POLI: variants seen among roughly 807,000 people sequenced by gnomAD.
The protein encoded by POLI is RAD30 homolog B.
A neutral mutation model predicts 51.6 loss-of-function variants in POLI; 58 were observed. The ratio of observed to expected loss-of-function variants is 1.12; its 90% CI spans 0.91 to 1.40. The LOEUF is 1.40. Among genes scored for constraint, POLI ranks in the 40% most tolerant of loss-of-function variants. The pLI, the probability that POLI is intolerant of heterozygous loss-of-function variation, is 0.00. For missense variants in POLI, 921 were observed against 871.3 expected, an observed-to-expected ratio of 1.06 and a Z score of -0.72; for synonymous variants, 322 against 299.7, an observed-to-expected ratio of 1.07 and a Z score of -0.77.
rs573361700 is a variant in POLI, at chr18:54,303,921, C to A, written c.334-16352C>A. Among the ~76,000 whole-genome samples the A allele has an allele frequency of 3.0e-3, 451 of 151,848 alleles. 3 individuals are homozygous for A. Among genetic ancestry groups the A allele is most frequent in the Non-Finnish European group, 4.9e-3 (330 of 67,938 alleles). ...ATGCTATCCCTCCCCCATCCCCCCA[C>A]CCCACAATGGCCCTGGTGTGTGATG... On this transcript the variant is annotated intron_variant, in intron 3 of 4. Coordinates refer to the POLI transcript ENST00000579823.
chr18:54,269,563 T>TGGAGCCGGAGGAG lies in POLI; in HGVS notation c.19_31dup (p.Glu11GlyfsTer36). The TGGAGCCGGAGGAG allele has an allele frequency of 1.3e-6, 2 of 1,489,372 alleles. No homozygotes were observed. The highest frequency in any genetic ancestry group is 1.8e-6 in the Non-Finnish European group (2 of 1,127,522). The allele number at this position is 1,489,372 out of a possible 1,614,324, so 92.3% of individuals were successfully genotyped here. On this transcript the variant is annotated frameshift_variant, in exon 1 of 10. Coordinates refer to ENST00000579534, the MANE Select transcript of POLI (RefSeq NM_007195.3). LOFTEE classifies it high-confidence loss of function. Reference sequence around the variant, plus strand: ...AGCGGCGGGATGGAGAAGCTGGGGGTGGAGCCGGAGGAGGAAGGCGGCGGC... The same window carrying TGGAGCCGGAGGAG: ...AGCGGCGGGATGGAGAAGCTGGGGGTGGAGCCGGAGGAGGGAGCCGGAGGAGGAAGGCGGCGGC...
chr18:54,270,168 A>G, intron 1 of POLI: 2 of 294,570 alleles, frequency 6.8e-6, no homozygotes, highest in Non-Finnish European at 1.0e-5. Context: ...CAGGGCCTGG[A>G]TGTAAAGGCA....
Position 54,285,163 on chromosome 18 carries a change from G to A in POLI, c.1067+1150G>A, listed in dbSNP as rs77707603. Reference sequence around the variant, plus strand: ...CTCATTGTTGGCTGCATGCAGCTGGGGCTGGCTGTATGACTGGCCTCCCGT... The same window carrying A: ...CTCATTGTTGGCTGCATGCAGCTGGAGCTGGCTGTATGACTGGCCTCCCGT... On this transcript the variant is annotated intron_variant, in intron 7 of 9. Transcript: ENST00000579534. 9.2e-5 allele frequency among the ~76,000 whole-genome samples: 14 copies of A among 152,304 alleles called. No individual in the cohort carries two copies. The East Asian group carries it at 2.7e-3, about 29-fold the overall frequency.
chr18:54,307,439 G>T (rs7236603), intron 3 of POLI, among the ~76,000 whole-genome samples: 18,087 of 152,192 alleles, frequency 0.12, 3,591 homozygotes, highest in African/African-American at 0.41. Context: ...TTGCACTGTG[G>T]TCTGAGAGAC....
Position 54,293,879 on chromosome 18 carries a change from T to A in POLI, c.1635T>A (p.Ser545=), listed in dbSNP as rs1341601946. ...LPVDIQEEIL[S]GKSREKFQGK... ...TAGATATTCAAGAAGAAATCCTTTC[T>A]GGAAAATCTAGGGAAAAATTTCAAG... Residue 545 remains serine, a synonymous_variant, in exon 10 of 10, where the codon TCT becomes TCA. Transcript: ENST00000579534. The A allele has an allele frequency of 6.2e-7, 1 of 1,612,864 alleles. No individual in the cohort carries two copies. The highest frequency in any genetic ancestry group is 1.3e-5 in the African/African-American group (1 of 74,912).
chr18:54,283,028 A>T lies in POLI; in HGVS notation c.975+13A>T. 6.5e-7 allele frequency: 1 copy of T among 1,534,360 alleles called. No individual in the cohort carries two copies. The highest frequency in any genetic ancestry group is 8.9e-7 in the Non-Finnish European group (1 of 1,119,770). ...AGGACCACCTCAGGTACATGATGAT[A>T]CTTATTTTAATTAAGTACTGGTTAT... On this transcript the variant is annotated intron_variant, in intron 6 of 9. Transcript: ENST00000579534.
intron 4 of POLI, among the ~76,000 whole-genome samples, chr18:54,279,717 G>A (rs1008550090): frequency 6.6e-6 from 1 of 152,070 alleles, no homozygotes; most frequent in African/African-American, 2.4e-5. Context: ...GGTTAGGATG[G>A]TTTCATGTCA....
At chr18:54,307,110 G>GAA (rs2088599128) in intron 3 of POLI, among the ~76,000 whole-genome samples, 4 of 152,226 alleles carry the variant, frequency 2.6e-5, no homozygotes, top group Admixed American at 1.3e-4. Flanking sequence ...TCTCATCTTA[G>GAA]TTATTTCTTG....
rs1176853377 is a variant in POLI at position 54,280,766 on chromosome 18, G to T, written c.659G>T (p.Gly220Val). 5 of 1,613,646 alleles carry T rather than the reference G, an allele frequency of 3.1e-6. No individual in the cohort carries two copies. The African/African-American group carries it at 6.7e-5, about 22-fold the overall frequency. The change falls in exon 5 of 10, where the codon GGC (glycine) becomes GTC (valine). Residue 220 changes from glycine to valine, a missense_variant. Transcript: ENST00000579534. ...ATGTATAATCAGTTGGGGCTCACTGGCTGTGCTGGAGTGGCTTCTAATAAA... is the reference window on the plus strand; with the variant it reads ...ATGTATAATCAGTTGGGGCTCACTGTCTGTGCTGGAGTGGCTTCTAATAAA... ...EAMYNQLGLTGCAGVASNKLL... is the reference protein window; with the variant it reads ...EAMYNQLGLTVCAGVASNKLL...
At chr18:54,309,498 G>C (rs1181989960) in intron 3 of POLI, among the ~76,000 whole-genome samples, 2 of 152,214 alleles carry the variant, frequency 1.3e-5, no homozygotes, top group Non-Finnish European at 2.9e-5. Flanking sequence ...TGAGGTGTCA[G>C]TTGGCCCCTA....
Position 54,294,619 on chromosome 18 carries a change from C to G in POLI, c.*152C>G, listed in dbSNP as rs1186143088. On this transcript the variant is annotated 3_prime_UTR_variant, in exon 10 of 10. Transcript: ENST00000579534. ...CAAGAATAGTTGCAAGAAGTAAATT[C>G]TGGCACAAAGCGTAAAAATATAACA... The G allele has an allele frequency of 7.7e-7, 1 of 1,299,616 alleles. No homozygotes were observed. Among genetic ancestry groups the G allele is most frequent in the Non-Finnish European group, 9.7e-7 (1 of 1,027,470 alleles). The allele number at this position is 1,299,616 out of a possible 1,614,324, so 80.5% of individuals were successfully genotyped here. A position where few individuals can be genotyped will look rare whatever the true frequency, so the allele number is the denominator to read the frequency against.
chr18:54,285,008 G>A (rs1374860501), intron 7 of POLI, among the ~76,000 whole-genome samples: 3 of 152,190 alleles, frequency 2.0e-5, no homozygotes, highest in Admixed American at 6.5e-5. Context: ...ATTCTAGGAG[G>A]ACTAACTGTA....
chr18:54,292,047 A>T lies in POLI; in HGVS notation c.1404+9A>T. 6.4e-7 allele frequency: 1 copy of T among 1,550,612 alleles called. No homozygotes were observed. The highest frequency in any genetic ancestry group is 1.1e-5 in the South Asian group (1 of 88,242). ...CTGGCAAGCACAGTTTTGTAAGTAC[A>T]CTCTTTTTTGTTCAGTTTTCTAAGT... On this transcript the variant is annotated intron_variant, in intron 9 of 9. Coordinates refer to ENST00000579534, the MANE Select transcript of POLI (RefSeq NM_007195.3).
chr18:54,295,722 G>A lies in POLI; in HGVS notation c.*1255G>A, dbSNP rs567107970. ...AGCTCACTACAACCTCCGCCTCCCA[G>A]GTTCAAGCAATTCTCCTGCCTCAGC... On this transcript the variant is annotated 3_prime_UTR_variant, in exon 10 of 10. Transcript: ENST00000579534. 1 of 205,956 alleles carries A rather than the reference G, an allele frequency of 4.9e-6. No individual in the cohort carries two copies. Among genetic ancestry groups the A allele is most frequent in the Non-Finnish European group, 8.5e-6 (1 of 117,452 alleles). 12.8% of individuals were successfully genotyped at this position (205,956 alleles called of 1,614,324 possible). A position where few individuals can be genotyped will look rare whatever the true frequency, so the allele number is the denominator to read the frequency against.
chr18:54,288,983 T>C (rs1237927767), intron 8 of POLI, among the ~76,000 whole-genome samples: 1 of 152,172 alleles, frequency 6.6e-6, no homozygotes, highest in East Asian at 1.9e-4. Context: ...CCCAAATATG[T>C]ATCACACTTT....
chr18:54,296,452 C>A lies in POLI; in HGVS notation c.*1985C>A. The A allele has an allele frequency of 1.3e-6, 1 of 777,624 alleles. No homozygotes were observed. Among genetic ancestry groups the A allele is most frequent in the Non-Finnish European group, 1.6e-6 (1 of 640,556 alleles). 48.2% of individuals were successfully genotyped at this position (777,624 alleles called of 1,614,324 possible). ...AAGATTATCTCTTTTTTCTTTGGTG[C>A]TTTGCAGGTTTACTGTATTATTTGG... On this transcript the variant is annotated 3_prime_UTR_variant, in exon 10 of 10. Coordinates refer to ENST00000579534, the MANE Select transcript of POLI (RefSeq NM_007195.3).
At chr18:54,273,047 C>T (rs537599922) in intron 2 of POLI, among the ~76,000 whole-genome samples, 3 of 151,930 alleles carry the variant, frequency 2.0e-5, no homozygotes, top group South Asian at 2.1e-4. Flanking sequence ...TTGTATTTTA[C>T]ATATTTTAGG....
chr18:54,292,665 A>G (rs2144590606), intron 9 of POLI, among the ~76,000 whole-genome samples: 1 of 152,242 alleles, frequency 6.6e-6, no homozygotes, highest in South Asian at 2.1e-4. Flanking sequence ...TCATGCCTAT[A>G]ATTAACTCAA....
At chr18:54,317,690 C>T (rs997042428) in intron 3 of POLI, among the ~76,000 whole-genome samples, 40 of 151,962 alleles carry the variant, frequency 2.6e-4, no homozygotes, top group African/African-American at 8.7e-4. Flanking sequence ...ACAGCAAGAC[C>T]CTGTCTTTAC....
Sources: gnomAD v4.1 joint callset for allele counts (sites outside exome capture counted in the v4.1 genomes callset) on GRCh38, gnomAD v4.1.1 for gene constraint, MANE v1.5 for transcripts, NCBI Gene and HGNC (gene_info 2026-07-23, HGNC 2026-07-21) for gene names.